The following ZNF701 variants were observed in gnomAD, a reference collection of about 807,000 sequenced individuals.
ZNF701 encodes the protein zinc finger protein 701.
ZNF701 carries 6 observed loss-of-function variants against 7.1 expected under a neutral mutation model. That is an observed-to-expected ratio of 0.84 (90% CI 0.46 to 1.66). The LOEUF is 1.66. Ranked by LOEUF, ZNF701 falls within the 40% of genes most tolerant of loss-of-function variation. ZNF701 has a pLI of 0.01. For missense variants in ZNF701, 541 were observed against 559.2 expected (o/e 0.97, Z 0.33); for synonymous variants, 166 against 188.2 (o/e 0.88, Z 0.97).
rs138233720 is a variant in ZNF701 at position 52,582,431 on chromosome 19, G to A, written c.372G>A (p.Glu124=). ...TKTKKLMSST[E]RHDQRHAGNK... is the part of the protein sequence containing the mutation. ...CCAAAAAGTTGATGAGTAGTACAGAGCGACATGATCAAAGGCATGCTGGAA... is the reference window on the plus strand; with the variant it reads ...CCAAAAAGTTGATGAGTAGTACAGAACGACATGATCAAAGGCATGCTGGAA... The change falls in exon 4 of 4, where the codon GAG becomes GAA. Residue 124 remains glutamate (E), a synonymous_variant. Transcript: ENST00000391785. 8.6e-4 allele frequency: 1,387 copies of A among 1,614,120 alleles called. 19 individuals carry two copies. The African/African-American group carries it at 0.016, about 19-fold the overall frequency.
Position 52,585,762 on chromosome 19 carries a change from A to G in ZNF701, c.*2305A>G, listed in dbSNP as rs1423781249. Reference sequence around the variant, plus strand: ...AAGAATTTGGCCCTTGGCCAAGGAAATAACTGAGGTAAATTGGCCTGAGGC... The same window carrying G: ...AAGAATTTGGCCCTTGGCCAAGGAAGTAACTGAGGTAAATTGGCCTGAGGC... On this transcript the variant is annotated 3_prime_UTR_variant, in exon 4 of 4. Transcript: ENST00000391785. 7.4e-6 allele frequency: 1 copy of G among 135,782 alleles called. No individual in the cohort carries two copies. Among genetic ancestry groups the G allele is most frequent in the East Asian group, 2.3e-4 (1 of 4,398 alleles). The allele number at this position is 135,782 out of a possible 1,614,324, so 8.4% of individuals were successfully genotyped here. A position where few individuals can be genotyped will look rare whatever the true frequency, so the allele number is the denominator to read the frequency against.
chr19:52,596,004 C>G, the ZNF701 span: 5 of 1,582,010 alleles, frequency 3.2e-6, no homozygotes, highest in Admixed American at 3.3e-5. Context: ...GCTTCAACAT[C>G]CCAAATAATT....
the ZNF701 span, chr19:52,595,699 A>G: frequency 6.8e-7 from 1 of 1,477,248 alleles, no homozygotes; most frequent in South Asian, 1.2e-5. Context: ...GGACGTTGCA[A>G]ATACATGAAA....
At position 52,585,660 on chromosome 19, in the gene ZNF701, T is replaced by C. The variant is rs970765021; in HGVS notation, c.*2203T>C. ...GGGTGGGGGTGGGCCCAAGCGAGCG[T>C]CTCCAGGGCCCCATTTACAAAGTTT... is the stretch of plus-strand genomic sequence containing the variant. On this transcript the variant is annotated 3_prime_UTR_variant, in exon 4 of 4. Coordinates refer to ENST00000391785, the MANE Select transcript of ZNF701 (RefSeq NM_018260.3). 6.6e-6 allele frequency: 1 copy of C among 151,552 alleles called. No homozygotes were observed. Among genetic ancestry groups the C allele is most frequent in the African/African-American group, 2.4e-5 (1 of 41,252 alleles). The allele number at this position is 151,552 out of a possible 1,614,324, so 9.4% of individuals were successfully genotyped here.
intron 3 of ZNF701, among the ~76,000 whole-genome samples, chr19:52,578,778 A>G (rs1261453259): frequency 3.9e-5 from 6 of 152,122 alleles, no homozygotes; most frequent in Non-Finnish European, 5.9e-5. Flanking sequence ...TTTTTGTTGA[A>G]ACGGAGTCTT....
rs751961735 is a variant in ZNF701 at position 52,583,402 on chromosome 19, A to T, written c.1343A>T (p.Asn448Ile). Reference sequence around the variant, plus strand: ...TGTAATGAATGTGGCAAGGTTTTTAATCGAAAATCAAACCTTGAACGTCAT... The same window carrying T: ...TGTAATGAATGTGGCAAGGTTTTTATTCGAAAATCAAACCTTGAACGTCAT... ...YKCNECGKVF[N>I]RKSNLERHHR... Residue 448 changes from asparagine (N) to isoleucine (I), a missense_variant, in exon 4 of 4, where the codon AAT (asparagine) becomes ATT (isoleucine). Transcript: ENST00000391785. 2 of 1,613,748 alleles carry T rather than the reference A, an allele frequency of 1.2e-6. No individual in the cohort carries two copies. Among genetic ancestry groups the T allele is most frequent in the South Asian group, 1.1e-5 (1 of 91,040 alleles).
chr19:52,572,179 T>G (rs1169532910), intron 1 of ZNF701: 1 of 322,086 alleles, frequency 3.1e-6, no homozygotes, highest in Non-Finnish European at 6.1e-6. Context: ...TCGGCCTTCC[T>G]GAGTAGCTGG....
intron 2 of ZNF701, among the ~76,000 whole-genome samples, chr19:52,575,461 T>C (rs11670566): frequency 0.43 from 64,966 of 151,830 alleles, 14,331 homozygotes; most frequent in Non-Finnish European, 0.5. Context: ...TTTTAACATA[T>C]ACAAAATAGA....
intron 3 of ZNF701, among the ~76,000 whole-genome samples, chr19:52,577,365 G>A (rs909970216): frequency 2.0e-5 from 3 of 152,128 alleles, no homozygotes; most frequent in Non-Finnish European, 4.4e-5. Context: ...TTCCCAAAGT[G>A]TGGACCTAAG....
chr19:52,596,615 C>G, the ZNF701 span: 1 of 418,864 alleles, frequency 2.4e-6, no homozygotes, highest in African/African-American at 2.1e-5. Flanking sequence ...GGAAATCTTA[C>G]AAATGTAAGG....
chr19:52,598,394 C>T, the ZNF701 span, among the ~76,000 whole-genome samples: 3 of 152,014 alleles, frequency 2.0e-5, no homozygotes, highest in Non-Finnish European at 2.9e-5. Context: ...ATCCGGCAGG[C>T]GGGGCGAGCT....
At position 52,584,222 on chromosome 19, in the gene ZNF701, A is replaced by G. The variant is rs1228479708; in HGVS notation, c.*765A>G. ...GGTAATAGTTACAAATGCGGTGAGC[A>G]CAGCAAACCATCAAGGATTGACAGT... is the stretch of plus-strand genomic sequence containing the variant. On this transcript the variant is annotated 3_prime_UTR_variant, in exon 4 of 4. Transcript: ENST00000391785. The G allele has an allele frequency of 8.0e-6, 2 of 251,378 alleles. No individual in the cohort carries two copies. Among genetic ancestry groups the G allele is most frequent in the African/African-American group, 4.5e-5 (2 of 44,164 alleles). 15.6% of individuals were successfully genotyped at this position (251,378 alleles called of 1,614,324 possible).
At chr19:52,588,453 C>G, downstream of ZNF701, 1 of 172,310 alleles carries the variant, frequency 5.8e-6, no homozygotes, top group East Asian at 1.7e-4. Flanking sequence ...GCCACTGAAC[C>G]ACATTCTTGT....
chr19:52,570,403 G>A (rs568114479), intron 1 of ZNF701, 73 bp downstream of exon 1: 1 of 152,354 alleles, frequency 6.6e-6, no homozygotes, highest in Non-Finnish European at 1.5e-5. Flanking sequence ...GGGACGTGGG[G>A]TCACCACAGA....
chr19:52,590,103 T>A (rs1367756505), downstream of ZNF701, among the ~76,000 whole-genome samples: 1 of 127,408 alleles, frequency 7.8e-6, no homozygotes, highest in Non-Finnish European at 1.7e-5. Flanking sequence ...CTGTTTTTTT[T>A]ATTGTTTTTT....
chr19:52,592,436 T>C, the ZNF701 span, among the ~76,000 whole-genome samples: 2 of 152,224 alleles, frequency 1.3e-5, no homozygotes, highest in Admixed American at 1.3e-4. Context: ...AGAAAATTCA[T>C]GAAGAACACT....
rs757559311 is a variant in ZNF701, at chr19:52,574,181, G to T, written c.15+19G>T. On this transcript the variant is annotated intron_variant, in intron 2 of 3. Coordinates refer to ENST00000391785, the MANE Select transcript of ZNF701 (RefSeq NM_018260.3). ...TCTTCAGGTGAGATGATATTCTCGG[G>T]GGATTGTTCTGTCTCCTTCCTTTCA... 54 of 1,606,798 alleles carry T rather than the reference G, an allele frequency of 3.4e-5. No individual in the cohort carries two copies. The highest frequency in any genetic ancestry group is 5.0e-5 in the Admixed American group (3 of 59,932).
chr19:52,572,854 C>G (rs939855031), intron 1 of ZNF701, among the ~76,000 whole-genome samples: 1 of 152,174 alleles, frequency 6.6e-6, no homozygotes, highest in Non-Finnish European at 1.5e-5. Flanking sequence ...TTGCTTTTCT[C>G]TTTTCCCAAA....
intron 1 of ZNF701, chr19:52,572,583 C>T (rs1334772622): frequency 2.2e-5 from 8 of 366,270 alleles, no homozygotes; most frequent in Non-Finnish European, 3.1e-5. Flanking sequence ...GTAAGAATTC[C>T]GTTACATCTT....
Sources: allele counts gnomAD v4.1 joint callset (sites outside exome capture counted in the v4.1 genomes callset), GRCh38; gene constraint gnomAD v4.1.1; transcripts MANE v1.5; gene names NCBI Gene and HGNC (gene_info 2026-07-23, HGNC 2026-07-21).